Variants in CFAP410 observed in about 807,000 individuals in gnomAD.
CFAP410 encodes the protein cilia- and flagella-associated protein 410.
In CFAP410, 27 loss-of-function variants were observed where a neutral mutation model predicts 25.7. The ratio of observed to expected loss-of-function variants is 1.05; its 90% CI spans 0.77 to 1.45. The LOEUF (loss-of-function observed/expected upper bound fraction) is 1.45. CFAP410 is among the 40% of genes most tolerant of loss of function. The probability of loss-of-function intolerance (pLI) is 0.00; values close to 1 mark genes in which losing one functional copy is unlikely to be tolerated. For synonymous variants in CFAP410, 178 were observed against 158.4 expected, an observed-to-expected ratio of 1.12 and a Z score of -0.93; for missense variants, 428 against 354.1, an observed-to-expected ratio of 1.21 and a Z score of -1.67.
chr21:44,330,630 G>A (rs771112528), intron 6 of CFAP410, 193 bp downstream of exon 6: 215 of 1,549,946 alleles, frequency 1.4e-4, no homozygotes, highest in Non-Finnish European at 1.8e-4. Context: ...TGCGGGGCAC[G>A]TGTTACACGT....
intron 4 of CFAP410, 37 bp from the exon 5 acceptor site, chr21:44,332,051 T>A: frequency 1.9e-6 from 3 of 1,559,900 alleles, no homozygotes. Flanking sequence ...ATGAGTGGCC[T>A]CACCCACGTG....
Position 44,332,830 on chromosome 21 carries a change from A to G in CFAP410, c.373+203T>C, listed in dbSNP as rs1414876472. 2.4e-5 allele frequency: 14 copies of G among 595,668 alleles called. No homozygotes were observed. In the African/African-American group the frequency reaches 2.4e-4, roughly 10 times the overall value. The allele number at this position is 595,668 out of a possible 1,614,324, so 36.9% of individuals were successfully genotyped here. A position where few individuals can be genotyped will look rare whatever the true frequency, so the allele number is the denominator to read the frequency against. ...AACTGTCAGTCCCAGGAGGGACCCT[A>G]CGCTGCGCTGCTGCATTCGGGTGGC... On this transcript the variant is annotated intron_variant, in intron 4 of 6. Transcript: ENST00000339818.
chr21:44,333,023 G>A lies in CFAP410; in HGVS notation c.373+10C>T, dbSNP rs192880944. On this transcript the variant is annotated intron_variant, in intron 4 of 6. Coordinates refer to ENST00000339818, the MANE Select transcript of CFAP410 (RefSeq NM_004928.3). ...TTGGGAGGGCCGGTGACTCCGCTGC[G>A]GCCACCTACCCTGGTTGTCCAGCTT... 5.2e-4 allele frequency: 812 copies of A among 1,561,098 alleles called. 2 individuals carry two copies. Among genetic ancestry groups the A allele is most frequent in the South Asian group, 1.1e-4 (10 of 87,364 alleles).
intron 5 of CFAP410, chr21:44,331,472 A>C: frequency 3.4e-6 from 1 of 295,696 alleles, no homozygotes; most frequent in Non-Finnish European, 6.4e-6. Flanking sequence ...CCATACGGGC[A>C]CTGATGGCCG....
chr21:44,338,275 C>T, intron 1 of CFAP410: 1 of 1,286,068 alleles, frequency 7.8e-7, no homozygotes, highest in Non-Finnish European at 1.0e-6. Context: ...AGCGTCTGCT[C>T]TCGCTGACCC....
Position 44,333,151 on chromosome 21 carries a change from CCCCTTCA to C in CFAP410, c.248_254del (p.Leu83ArgfsTer25), listed in dbSNP as rs1568988003. On this transcript the variant is annotated frameshift_variant, in exon 4 of 7. Coordinates refer to ENST00000339818, the MANE Select transcript of CFAP410 (RefSeq NM_004928.3). LOFTEE classifies it high-confidence loss of function. ...GCCACAGCACCCGCAGACGCGGCAG[CCCCTTCA>C]GGTAGAAGAGCTCAGCCAGGCTGGG... The C allele has an allele frequency of 1.2e-6, 2 of 1,612,348 alleles. No individual in the cohort carries two copies. Among genetic ancestry groups the C allele is most frequent in the Non-Finnish European group, 1.7e-6 (2 of 1,179,750 alleles).
In CFAP410 at chr21:44,335,750, C is replaced by T. The variant is rs372854948; in HGVS notation, c.143+8G>A. On this transcript the variant is annotated splice_region_variant and intron_variant, in intron 3 of 6. Coordinates refer to ENST00000339818, the MANE Select transcript of CFAP410 (RefSeq NM_004928.3). The stretch of plus-strand genomic sequence containing the variant: ...CCCAGGCTGAGCATGACAGCAGGAG[C>T]GAGGTACCTGAGCGTGATCACCTCC... 7.4e-5 allele frequency: 117 copies of T among 1,584,604 alleles called. 1 individual carries two copies. Among genetic ancestry groups the T allele is most frequent in the South Asian group, 5.4e-4 (47 of 87,076 alleles).
intron 2 of CFAP410, among the ~76,000 whole-genome samples, chr21:44,336,063 C>T (rs1408616651): frequency 1.1e-5 from 1 of 93,296 alleles, no homozygotes; most frequent in East Asian, 3.1e-4. Context: ...GGGTGAATGC[C>T]CAGGGCCTGA....
chr21:44,336,644 A>G (rs1214159327), intron 2 of CFAP410, among the ~76,000 whole-genome samples: 1 of 152,220 alleles, frequency 6.6e-6, no homozygotes, highest in African/African-American at 2.4e-5. Context: ...GTCTATGGAC[A>G]TGGTACGTTT....
intron 1 of CFAP410, among the ~76,000 whole-genome samples, chr21:44,337,930 A>C (rs549093540): frequency 6.6e-6 from 1 of 152,336 alleles, no homozygotes; most frequent in Middle Eastern, 3.4e-3. Flanking sequence ...TTTGTAAGAC[A>C]CAAAAAGATG....
At chr21:44,334,242 C>A in intron 3 of CFAP410, 2 of 456,318 alleles carry the variant, frequency 4.4e-6, no homozygotes, top group South Asian at 3.1e-5. Context: ...CTGTCCCTCC[C>A]GAGATGTGAC....
Position 44,337,666 on chromosome 21 carries a change from C to T in CFAP410, c.79G>A (p.Gly27Ser), listed in dbSNP as rs768252634. The change falls in exon 2 of 7, where the codon GGC becomes AGC. Residue 27 changes from glycine (G) to serine (S), a missense_variant and splice_region_variant. By Grantham distance (56) the Gly-to-Ser change is moderately conservative. Transcript: ENST00000339818. ...ATACTTACATCTGTGAGGCGGCTGC[C>T]CCTGGGGAGAGAAAAGATACATACT... ...LHSVRKLNCW[G>S]SRLTDISICQ... 3.1e-6 allele frequency: 5 copies of T among 1,612,318 alleles called. No homozygotes were observed. Among genetic ancestry groups the T allele is most frequent in the Non-Finnish European group, 3.4e-6 (4 of 1,178,908 alleles).
intron 2 of CFAP410, chr21:44,336,763 A>T (rs1364195958): frequency 6.6e-6 from 1 of 152,150 alleles, no homozygotes; most frequent in East Asian, 1.9e-4. Context: ...GTACAGTTCA[A>T]ATTAAAAAAA....
In CFAP410 at chr21:44,330,159, G is replaced by A. The variant is rs752683561; in HGVS notation, c.*39C>T. 15 of 1,539,840 alleles carry A rather than the reference G, an allele frequency of 9.7e-6. No individual in the cohort carries two copies. In the South Asian group the frequency reaches 1.8e-4, roughly 18 times the overall value. On this transcript the variant is annotated 3_prime_UTR_variant, in exon 7 of 7. Transcript: ENST00000339818. ...TCCCGGGGGCTGGGGAAGACGCTGG[G>A]GTCCCCGTGGAGGCTGGAGCGGCGT...
intron 2 of CFAP410, 32 bp downstream of exon 2, chr21:44,337,617 T>C (rs1568992695): frequency 1.2e-6 from 2 of 1,605,238 alleles, no homozygotes; most frequent in African/African-American, 1.3e-5. Flanking sequence ...AGATGATCAG[T>C]GCAATACTTA....
intron 3 of CFAP410, chr21:44,335,394 G>A (rs936444711): frequency 2.0e-5 from 6 of 300,184 alleles, no homozygotes; most frequent in Non-Finnish European, 3.2e-5. Context: ...TGTGGCCACC[G>A]TGGGGGCGGC....
intron 2 of CFAP410, 61 bp from the exon 3 acceptor site, chr21:44,335,865 C>T: frequency 7.7e-7 from 1 of 1,293,576 alleles, no homozygotes; most frequent in South Asian, 1.3e-5. Flanking sequence ...GCCGCACTGC[C>T]ATCAGCCACA....
At position 44,330,194 on chromosome 21, in the gene CFAP410, G is replaced by A. The variant is rs1398011270; in HGVS notation, c.*4C>T. The A allele has an allele frequency of 3.2e-6, 5 of 1,559,726 alleles. No individual in the cohort carries two copies. In the South Asian group the frequency reaches 5.8e-5, roughly 18 times the overall value. On this transcript the variant is annotated 3_prime_UTR_variant, in exon 7 of 7. Transcript: ENST00000339818. ...GAGGCTGGAGCGGCGTTCAGGTCCTGCGGTCACTCGGCGTGCTCCTGCACC... is the reference window on the plus strand; with the variant it reads ...GAGGCTGGAGCGGCGTTCAGGTCCTACGGTCACTCGGCGTGCTCCTGCACC...
intron 2 of CFAP410, 22 bp from the exon 3 acceptor site, chr21:44,335,826 T>C (rs2047741167): frequency 1.3e-6 from 2 of 1,573,050 alleles, no homozygotes; most frequent in Non-Finnish European, 1.7e-6. Context: ...AGAACATGAC[T>C]AGCAAGCATG....
Sources: gnomAD v4.1 joint callset for allele counts (sites outside exome capture counted in the v4.1 genomes callset) on GRCh38, gnomAD v4.1.1 for gene constraint, MANE v1.5 for transcripts, NCBI Gene and HGNC (gene_info 2026-07-23, HGNC 2026-07-21) for gene names.